The following MTUS2 variants were observed in gnomAD, a reference collection of about 807,000 sequenced individuals.
MTUS2 encodes microtubule associated scaffold protein 2, also known as microtubule-associated tumor suppressor candidate 2.
In MTUS2, 40 loss-of-function variants were observed where a neutral mutation model predicts 114.1. That is an observed-to-expected ratio of 0.35 (90% CI 0.27 to 0.46). The LOEUF (loss-of-function observed/expected upper bound fraction) is 0.46, where lower values mean the gene tolerates loss of function less well. Ranked by LOEUF, MTUS2 falls within the 20% of genes least tolerant of loss-of-function variation. MTUS2 has a pLI of 1.00. For synonymous variants in MTUS2, 688 were observed against 672.0 expected (o/e 1.02, Z -0.37); for missense variants, 1,679 against 1,705.4 (o/e 0.98, Z 0.27).
At chr13:29,325,665 T>C (rs1900478606) in intron 7 of MTUS2, among the ~76,000 whole-genome samples, 1 of 152,174 alleles carries the variant, frequency 6.6e-6, no homozygotes, top group Admixed American at 6.5e-5. Context: ...CAAAAGATTT[T>C]CTTTAAGCCC....
chr13:28,898,316 G>A (rs1049940961), intron 2 of MTUS2, among the ~76,000 whole-genome samples: 1 of 152,178 alleles, frequency 6.6e-6, no homozygotes, highest in African/African-American at 2.4e-5. Flanking sequence ...GAGTTCTGAA[G>A]GTGAGTAGTA....
intron 9 of MTUS2, among the ~76,000 whole-genome samples, chr13:29,475,407 T>C (rs561342936): frequency 6.6e-6 from 1 of 152,356 alleles, no homozygotes; most frequent in South Asian, 2.1e-4. Context: ...TAGAGGGTGC[T>C]CCTTCTATTT....
At chr13:29,462,370 T>C (rs1474167271) in intron 9 of MTUS2, among the ~76,000 whole-genome samples, 1 of 152,162 alleles carries the variant, frequency 6.6e-6, no homozygotes, top group Admixed American at 6.5e-5. Flanking sequence ...AGGAGCAACA[T>C]GCTCCATCTA....
At chr13:29,185,046 T>C (rs1408904152) in intron 5 of MTUS2, among the ~76,000 whole-genome samples, 7 of 151,982 alleles carry the variant, frequency 4.6e-5, no homozygotes, top group Admixed American at 4.6e-4. Flanking sequence ...GAACAATGCC[T>C]CCCTAAATAT....
chr13:29,088,729 T>A (rs546830928), intron 4 of MTUS2, among the ~76,000 whole-genome samples: 1 of 152,358 alleles, frequency 6.6e-6, no homozygotes, highest in East Asian at 1.9e-4. Flanking sequence ...TTATCCTTTC[T>A]CATAATAGTG....
intron 2 of MTUS2, among the ~76,000 whole-genome samples, chr13:29,011,433 A>AT (rs1270030447): frequency 1.3e-5 from 2 of 152,156 alleles, no homozygotes; most frequent in Non-Finnish European, 2.9e-5. Context: ...ATACTCTTAA[A>AT]TTTTGTTGGG....
chr13:29,128,673 G>C (rs1021848854), intron 5 of MTUS2, among the ~76,000 whole-genome samples: 3 of 152,070 alleles, frequency 2.0e-5, no homozygotes, highest in Non-Finnish European at 4.4e-5. Flanking sequence ...GGTAATTTTA[G>C]TTTTTTTCTT....
chr13:29,223,643 TGGGAC>T (rs1895994553), intron 5 of MTUS2, among the ~76,000 whole-genome samples: 1 of 152,194 alleles, frequency 6.6e-6, no homozygotes, highest in South Asian at 2.1e-4. Flanking sequence ...TTCCTGGACA[TGGGAC>T]AAGAACTTGG....
At chr13:29,113,539 A>T (rs1890965455) in intron 5 of MTUS2, among the ~76,000 whole-genome samples, 1 of 152,328 alleles carries the variant, frequency 6.6e-6, no homozygotes, top group African/African-American at 2.4e-5. Context: ...CTAATGAGCC[A>T]TTGAAATGGG....
chr13:29,285,184 A>T (rs1450418567), intron 6 of MTUS2, among the ~76,000 whole-genome samples: 1 of 148,196 alleles, frequency 6.7e-6, no homozygotes, highest in African/African-American at 2.5e-5. Flanking sequence ...CATATGATAA[A>T]AAACAAAACC....
At chr13:29,380,357 T>G (rs1296626803) in intron 8 of MTUS2, among the ~76,000 whole-genome samples, 2 of 152,236 alleles carry the variant, frequency 1.3e-5, no homozygotes, top group African/African-American at 2.4e-5. Flanking sequence ...CTTGTGCTAC[T>G]GTGAATTTTG....
At chr13:29,138,452 T>A (rs1407744817) in intron 5 of MTUS2, among the ~76,000 whole-genome samples, 3 of 148,160 alleles carry the variant, frequency 2.0e-5, no homozygotes, top group Non-Finnish European at 4.5e-5. Flanking sequence ...ATTATTTATA[T>A]AAATAAAAGA....
At chr13:28,857,522 A>G (rs1488981170) in intron 2 of MTUS2, among the ~76,000 whole-genome samples, 1 of 152,234 alleles carries the variant, frequency 6.6e-6, no homozygotes, top group Non-Finnish European at 1.5e-5. Flanking sequence ...AGCAAGTGCC[A>G]GAGAACAGGC....
chr13:29,082,460 G>A (rs1386099109), intron 4 of MTUS2, among the ~76,000 whole-genome samples: 1 of 152,172 alleles, frequency 6.6e-6, no homozygotes, highest in African/African-American at 2.4e-5. Context: ...CATTGCTGTT[G>A]ATTAGTTGAT....
At chr13:28,840,871 C>T (rs1263433176) in intron 2 of MTUS2, among the ~76,000 whole-genome samples, 1 of 152,136 alleles carries the variant, frequency 6.6e-6, no homozygotes, top group Non-Finnish European at 1.5e-5. Flanking sequence ...GTTTGGGGTC[C>T]CAAAAGGGTA....
chr13:29,494,516 A>C (rs1882397607), intron 12 of MTUS2, among the ~76,000 whole-genome samples: 1 of 150,202 alleles, frequency 6.7e-6, no homozygotes, highest in Non-Finnish European at 1.5e-5. Flanking sequence ...GGCTTAAAAG[A>C]AATGCTTTCT....
At chr13:29,304,979 A>C (rs1446802871) in intron 6 of MTUS2, among the ~76,000 whole-genome samples, 1 of 152,248 alleles carries the variant, frequency 6.6e-6, no homozygotes, top group Non-Finnish European at 1.5e-5. Context: ...CAAGATTAAG[A>C]AACTCACTTA....
chr13:28,908,134 A>G (rs1880164101), intron 2 of MTUS2, among the ~76,000 whole-genome samples: 1 of 151,102 alleles, frequency 6.6e-6, no homozygotes, highest in Non-Finnish European at 1.5e-5. Context: ...TTCAGCAACT[A>G]TTTCTTTCTT....
chr13:29,458,052 G>A (rs1424920817), intron 9 of MTUS2, among the ~76,000 whole-genome samples: 2 of 152,078 alleles, frequency 1.3e-5, no homozygotes, highest in South Asian at 2.1e-4. Context: ...GCACCTGGCC[G>A]AGCACTTTTT....
Sources: gnomAD v4.1 joint callset for allele counts (sites outside exome capture counted in the v4.1 genomes callset) on GRCh38, gnomAD v4.1.1 for gene constraint, MANE v1.5 for transcripts, NCBI Gene and HGNC (gene_info 2026-07-23, HGNC 2026-07-21) for gene names.